Variants in CNTNAP3B observed in about 807,000 individuals in gnomAD.
CNTNAP3B encodes contactin associated protein family member 3B.
A neutral mutation model predicts 108.9 loss-of-function variants in CNTNAP3B; 25 were observed. The observed-to-expected ratio is 0.23, with a 90% CI of 0.17 to 0.32. The LOEUF (loss-of-function observed/expected upper bound fraction) is 0.32, where lower values mean the gene tolerates loss of function less well. CNTNAP3B is among the 10% of genes least tolerant of loss of function. The pLI is 1.00. For synonymous variants in CNTNAP3B, 103 were observed against 473.4 expected (o/e 0.22, Z 10.16); for missense variants, 252 against 1,210.4 (o/e 0.21, Z 11.75).
At position 41,975,014 on chromosome 9, in the gene CNTNAP3B, C is replaced by G. The variant is rs1825496289; in HGVS notation, c.1478-4769G>C. On this transcript the variant is annotated intron_variant, in intron 9 of 23. Transcript: ENST00000377561. ...CTCCCCCAGTGAAGGAGGAACAGGA[C>G]AGACTGAGATCTCCAAACCGTCCTA... 5 of 228,012 alleles carry G rather than the reference C, an allele frequency of 2.2e-5. No homozygotes were observed. The South Asian group carries it at 2.4e-4, about 11-fold the overall frequency. The allele number at this position is 228,012 out of a possible 1,614,324, so 14.1% of individuals were successfully genotyped here.
chr9:42,126,684 C>T (rs1828577616), intron 1 of CNTNAP3B, among the ~76,000 whole-genome samples: 1 of 135,778 alleles, frequency 7.4e-6, no homozygotes, highest in Admixed American at 7.3e-5. Context: ...ATTCTCCTGC[C>T]TCAGCCTCCC....
intron 13 of CNTNAP3B, among the ~76,000 whole-genome samples, chr9:41,938,978 T>A (rs1417245770): frequency 1.3e-5 from 2 of 152,244 alleles, no homozygotes; most frequent in East Asian, 1.9e-4. Flanking sequence ...ATCTCTGAGG[T>A]TAGAAATTTC....
chr9:41,942,375 C>T (rs1405388370), intron 13 of CNTNAP3B, among the ~76,000 whole-genome samples: 3 of 152,218 alleles, frequency 2.0e-5, no homozygotes, highest in Non-Finnish European at 4.4e-5. Context: ...TTTTGGGAGG[C>T]TGAGGCGGGC....
chr9:41,951,294 T>C (rs1160979444), intron 13 of CNTNAP3B, among the ~76,000 whole-genome samples: 3 of 129,726 alleles, frequency 2.3e-5, no homozygotes, highest in Non-Finnish European at 3.3e-5. Context: ...TTCTCACTGA[T>C]GGGAGTAGAA....
chr9:41,977,882 A>C (rs1445063501), intron 9 of CNTNAP3B, among the ~76,000 whole-genome samples: 2 of 141,562 alleles, frequency 1.4e-5, no homozygotes, highest in Non-Finnish European at 3.0e-5. Flanking sequence ...CCACCTGCCT[A>C]GGCCTCCCAA....
chr9:41,937,085 G>A (rs568509475), intron 14 of CNTNAP3B, among the ~76,000 whole-genome samples: 3 of 132,326 alleles, frequency 2.3e-5, no homozygotes, highest in Admixed American at 7.7e-5. Flanking sequence ...CTGACACCTG[G>A]AATGACCATT....
intron 4 of CNTNAP3B, among the ~76,000 whole-genome samples, chr9:42,003,950 CCCT>C (rs1220242672): frequency 1.4e-5 from 2 of 142,192 alleles, no homozygotes; most frequent in South Asian, 4.7e-4. Context: ...GAGAGAGACT[CCCT>C]CTCAAAAAAA....
Position 42,126,450 on chromosome 9 carries a change from C to T in CNTNAP3B, c.85+2560G>A, listed in dbSNP as rs1419213519. Among the ~76,000 whole-genome samples, 138 of 135,690 alleles carry T rather than the reference C, an allele frequency of 1.0e-3. 18 individuals are homozygous for T. The highest frequency in any genetic ancestry group is 4.5e-4 in the East Asian group (2 of 4,472). 89.0% of individuals were successfully genotyped at this position (135,690 alleles called of 152,430 possible). A position where few individuals can be genotyped will look rare whatever the true frequency, so the allele number is the denominator to read the frequency against. On this transcript the variant is annotated intron_variant, in intron 1 of 23. Transcript: ENST00000377561. ...TGCAAGTCTATGGGCACTGAAGTTA[C>T]GAAAATATTTCCCTTCATGCAGAAT...
At chr9:42,042,986 AATC>A (rs572354695) in intron 3 of CNTNAP3B, among the ~76,000 whole-genome samples, 70 of 142,432 alleles carry the variant, frequency 4.9e-4, no homozygotes, top group Middle Eastern at 3.7e-3. Flanking sequence ...CTCAAATTCA[AATC>A]ATCATCATCA....
chr9:41,962,936 C>T (rs1281250642), intron 11 of CNTNAP3B, among the ~76,000 whole-genome samples: 3 of 151,368 alleles, frequency 2.0e-5, no homozygotes, highest in African/African-American at 7.3e-5. Context: ...GCCTGGGCGA[C>T]AGAGCAAGAC....
At position 42,035,769 on chromosome 9, in the gene CNTNAP3B, C is replaced by T. The variant is rs1243137802; in HGVS notation, c.391-22244G>A. 3.5e-4 allele frequency among the ~76,000 whole-genome samples: 53 copies of T among 150,742 alleles called. 1 individual carries two copies. The highest frequency in any genetic ancestry group is 1.2e-3 in the African/African-American group (49 of 40,436). On this transcript the variant is annotated intron_variant, in intron 3 of 23. Coordinates refer to ENST00000377561, the MANE Select transcript of CNTNAP3B (RefSeq NM_001201380.3). ...AACTCCTGGGCTTAAGCTATCCTCC[C>T]GCATTAGCCTCCTGAGCAGCTGGGA...
In CNTNAP3B at chr9:42,123,704, T is replaced by G. The variant is rs1828510098; in HGVS notation, c.85+5306A>C. Reference sequence around the variant, plus strand: ...TACATTTGCCTGAGAAGCAATGACATTCAATAAACTTTTTTCCACGGGATT... The same window carrying G: ...TACATTTGCCTGAGAAGCAATGACAGTCAATAAACTTTTTTCCACGGGATT... On this transcript the variant is annotated intron_variant, in intron 1 of 23. Coordinates refer to ENST00000377561, the MANE Select transcript of CNTNAP3B (RefSeq NM_001201380.3). Among the ~76,000 whole-genome samples the G allele has an allele frequency of 1.4e-5, 2 of 138,598 alleles. 1 individual carries two copies. The highest frequency in any genetic ancestry group is 5.7e-5 in the African/African-American group (2 of 34,946). The allele number at this position is 138,598 out of a possible 152,430, so 90.9% of individuals were successfully genotyped here. A position where few individuals can be genotyped will look rare whatever the true frequency, so the allele number is the denominator to read the frequency against.
chr9:41,962,967 A>G (rs1195668036), intron 11 of CNTNAP3B, among the ~76,000 whole-genome samples: 2 of 149,540 alleles, frequency 1.3e-5, no homozygotes, highest in Non-Finnish European at 3.0e-5. Context: ...AAAACAAAAA[A>G]CAAACAAACA....
intron 10 of CNTNAP3B, among the ~76,000 whole-genome samples, chr9:41,966,970 AAAAC>A (rs1251961112): frequency 3.7e-4 from 55 of 150,406 alleles, no homozygotes; most frequent in East Asian, 1.4e-3. Flanking sequence ...CTGTCTCAAA[AAAAC>A]AAACAAACAA....
intron 13 of CNTNAP3B, among the ~76,000 whole-genome samples, chr9:41,951,302 G>A (rs1485724566): frequency 1.6e-5 from 2 of 126,310 alleles, no homozygotes; most frequent in Non-Finnish European, 3.4e-5. Context: ...GATGGGAGTA[G>A]AATATTCCAT....
At chr9:42,112,272 G>A (rs565553307) in intron 1 of CNTNAP3B, among the ~76,000 whole-genome samples, 1 of 139,576 alleles carries the variant, frequency 7.2e-6, no homozygotes. Context: ...CTTCTCACAT[G>A]TGTGAAGGCC....
chr9:42,096,932 T>A (rs1162681329), intron 2 of CNTNAP3B, among the ~76,000 whole-genome samples: 2 of 128,804 alleles, frequency 1.6e-5, no homozygotes, highest in African/African-American at 6.4e-5. Context: ...TTTTTTTTTT[T>A]AATAGAGACA....
At chr9:41,946,078 A>G (rs1439903694) in intron 13 of CNTNAP3B, among the ~76,000 whole-genome samples, 1 of 148,806 alleles carries the variant, frequency 6.7e-6, no homozygotes, top group Admixed American at 6.7e-5. Flanking sequence ...CAGAAGAGTC[A>G]AAATATATTA....
intron 3 of CNTNAP3B, among the ~76,000 whole-genome samples, chr9:42,020,675 C>A (rs1303916580): frequency 3.4e-5 from 5 of 146,822 alleles, no homozygotes; most frequent in Non-Finnish European, 7.5e-5. Context: ...AAGATCTGCA[C>A]CTTTAACCCT....
Sources: allele counts gnomAD v4.1 joint callset (sites outside exome capture counted in the v4.1 genomes callset), GRCh38; gene constraint gnomAD v4.1.1; transcripts MANE v1.5; gene names NCBI Gene and HGNC (gene_info 2026-07-23, HGNC 2026-07-21).